LSAMP: variants seen among roughly 807,000 people sequenced by gnomAD.
LSAMP encodes the protein limbic system associated membrane protein.
In LSAMP, 7 loss-of-function variants were observed where a neutral mutation model predicts 38.6. The ratio of observed to expected loss-of-function variants is 0.18; its 90% CI spans 0.10 to 0.34. The LOEUF (loss-of-function observed/expected upper bound fraction) is 0.34, where lower values mean the gene tolerates loss of function less well. Among genes scored for constraint, LSAMP ranks in the 10% least tolerant of loss-of-function variants. LSAMP has a pLI of 1.00. For missense variants in LSAMP, 313 were observed against 420.0 expected (o/e 0.75, Z 2.23); for synonymous variants, 154 against 166.8 (o/e 0.92, Z 0.59).
intron 1 of LSAMP, among the ~76,000 whole-genome samples, chr3:116,382,499 T>A (rs2048573425): frequency 8.0e-6 from 1 of 124,272 alleles, no homozygotes; most frequent in Non-Finnish European, 1.7e-5. Flanking sequence ...CACCGGGGCC[T>A]GTCATGGGGT....
At chr3:116,394,224 C>T (rs1397006166) in intron 1 of LSAMP, among the ~76,000 whole-genome samples, 2 of 152,136 alleles carry the variant, frequency 1.3e-5, no homozygotes, top group Admixed American at 6.5e-5. Flanking sequence ...ATAGTCCCAA[C>T]CCAAACTCAA....
In LSAMP at chr3:116,113,511, C is replaced by T. The variant is rs1429300857; in HGVS notation, c.156-26955G>A. Among the ~76,000 whole-genome samples, 5 of 141,028 alleles carry T rather than the reference C, an allele frequency of 3.5e-5. No homozygotes were observed. The South Asian group carries it at 6.7e-4, about 19-fold the overall frequency. 92.5% of individuals were successfully genotyped at this position (141,028 alleles called of 152,430 possible). A position where few individuals can be genotyped will look rare whatever the true frequency, so the allele number is the denominator to read the frequency against. ...CGGGATCTCGGCTCACTGCAAGCTC[C>T]GCCTCCCGGGTTCACGCCATTCTCC... On this transcript the variant is annotated intron_variant, in intron 1 of 6. Coordinates refer to ENST00000490035, the MANE Select transcript of LSAMP (RefSeq NM_002338.5).
At chr3:116,288,196 T>C (rs545156009) in intron 1 of LSAMP, among the ~76,000 whole-genome samples, 5 of 152,274 alleles carry the variant, frequency 3.3e-5, no homozygotes, top group Admixed American at 2.0e-4. Flanking sequence ...CTAAGGCACA[T>C]GGAGGTGGCA....
chr3:116,120,500 G>A (rs1708850538), intron 1 of LSAMP, among the ~76,000 whole-genome samples: 1 of 152,166 alleles, frequency 6.6e-6, no homozygotes. Flanking sequence ...GAAGTTCATG[G>A]GTGAGGGACA....
At chr3:116,012,834 A>G (rs1384813022) in intron 3 of LSAMP, among the ~76,000 whole-genome samples, 2 of 152,192 alleles carry the variant, frequency 1.3e-5, no homozygotes, top group Non-Finnish European at 2.9e-5. Flanking sequence ...AGAATTGCTA[A>G]TACTGCACCA....
intron 1 of LSAMP, among the ~76,000 whole-genome samples, chr3:116,319,043 T>TGC (rs570574363): frequency 1.3e-5 from 2 of 150,244 alleles, no homozygotes; most frequent in Non-Finnish European, 3.0e-5. Flanking sequence ...TGTATAGAAT[T>TGC]GGGGGGGTGG....
At chr3:115,828,959 T>A (rs959412803) in intron 6 of LSAMP, among the ~76,000 whole-genome samples, 2 of 152,176 alleles carry the variant, frequency 1.3e-5, no homozygotes, top group Non-Finnish European at 2.9e-5. Context: ...GGAAGAGGCA[T>A]TAGAAAGGAG....
chr3:115,969,056 C>A (rs978206584), intron 3 of LSAMP, among the ~76,000 whole-genome samples: 4 of 152,188 alleles, frequency 2.6e-5, no homozygotes, highest in Admixed American at 2.6e-4. Context: ...CCCACACAAC[C>A]ACTGTCAGGG....
chr3:116,092,138 C>T (rs896027410), intron 1 of LSAMP, among the ~76,000 whole-genome samples: 2 of 152,056 alleles, frequency 1.3e-5, no homozygotes, highest in Admixed American at 6.6e-5. Context: ...GTGGAATAAA[C>T]AAGCTGAATT....
intron 1 of LSAMP, among the ~76,000 whole-genome samples, chr3:116,410,645 T>C (rs2048961007): frequency 1.3e-5 from 2 of 152,060 alleles, no homozygotes; most frequent in African/African-American, 2.4e-5. Context: ...TACACAATGG[T>C]TGTCCTTTGG....
At chr3:116,420,319 A>G (rs1315668406) in intron 1 of LSAMP, among the ~76,000 whole-genome samples, 1 of 151,820 alleles carries the variant, frequency 6.6e-6, no homozygotes, top group Non-Finnish European at 1.5e-5. Context: ...GCTAGTCTTG[A>G]ACTCCTGACC....
At chr3:116,279,366 A>T (rs1324399282) in intron 1 of LSAMP, among the ~76,000 whole-genome samples, 1 of 152,174 alleles carries the variant, frequency 6.6e-6, no homozygotes, top group Non-Finnish European at 1.5e-5. Context: ...TTCCAAAATG[A>T]TGGCATGCCC....
At chr3:116,189,363 C>T (rs1278395278) in intron 1 of LSAMP, among the ~76,000 whole-genome samples, 1 of 152,194 alleles carries the variant, frequency 6.6e-6, no homozygotes, top group Admixed American at 6.5e-5. Flanking sequence ...AGCCTCTCAA[C>T]TGGCTGTAGT....
intron 1 of LSAMP, among the ~76,000 whole-genome samples, chr3:116,256,755 A>T (rs892567856): frequency 6.6e-6 from 1 of 151,784 alleles, no homozygotes; most frequent in Non-Finnish European, 1.5e-5. Context: ...GAGTGGAATA[A>T]TTCAATCCAT....
At chr3:115,928,879 C>T (rs932551779) in intron 3 of LSAMP, among the ~76,000 whole-genome samples, 8 of 150,766 alleles carry the variant, frequency 5.3e-5, no homozygotes, top group Non-Finnish European at 8.8e-5. Context: ...ATGCTAAGGG[C>T]GTAGGGAAGA....
At chr3:116,435,694 T>C (rs1179689528) in intron 1 of LSAMP, among the ~76,000 whole-genome samples, 1 of 152,108 alleles carries the variant, frequency 6.6e-6, no homozygotes, top group Non-Finnish European at 1.5e-5. Flanking sequence ...CAAGGTAAAT[T>C]TTGTATCTAT....
chr3:116,441,443 T>C (rs2049433653), intron 1 of LSAMP, among the ~76,000 whole-genome samples: 1 of 152,200 alleles, frequency 6.6e-6, no homozygotes, highest in Non-Finnish European at 1.5e-5. Flanking sequence ...TGTGGCCAAA[T>C]ATTTTATTAT....
At chr3:116,406,396 T>C (rs963666983) in intron 1 of LSAMP, among the ~76,000 whole-genome samples, 6 of 152,078 alleles carry the variant, frequency 3.9e-5, no homozygotes, top group African/African-American at 1.4e-4. Context: ...TCAAAGAGTT[T>C]AAATTTTCAG....
At chr3:115,879,516 C>T (rs1218981274) in intron 3 of LSAMP, among the ~76,000 whole-genome samples, 1 of 152,000 alleles carries the variant, frequency 6.6e-6, no homozygotes, top group East Asian at 1.9e-4. Context: ...AAAAAGCTGA[C>T]ATTAGAAGGT....
Sources: gnomAD v4.1 joint callset for allele counts (sites outside exome capture counted in the v4.1 genomes callset) on GRCh38, gnomAD v4.1.1 for gene constraint, MANE v1.5 for transcripts, NCBI Gene and HGNC (gene_info 2026-07-23, HGNC 2026-07-21) for gene names.